PCYT1B: variants seen among roughly 807,000 people sequenced by gnomAD.
PCYT1B encodes choline-phosphate cytidylyltransferase B.
A neutral mutation model predicts 26.4 loss-of-function variants in PCYT1B; 10 were observed. That is an observed-to-expected ratio of 0.38 (90% confidence interval 0.23 to 0.64). The LOEUF (loss-of-function observed/expected upper bound fraction) is 0.64, where lower values mean the gene tolerates loss of function less well. Ranked by LOEUF, PCYT1B falls within the 30% of genes least tolerant of loss-of-function variation. PCYT1B has a pLI of 0.56. For missense variants in PCYT1B, 161 were observed against 292.7 expected (o/e 0.55, Z 3.28); for synonymous variants, 131 against 108.4 (o/e 1.21, Z -1.29).
In PCYT1B at chrX:24,558,661, C is replaced by G. The variant is rs1419853514; in HGVS notation, c.*3632G>C. The stretch of plus-strand genomic sequence containing the variant: ...GTAGCCTAAGAGCAAAACTGAAATC[C>G]CTAAGCTGTGTCTCTTCCACTCAGA... On this transcript the variant is annotated 3_prime_UTR_variant, in exon 8 of 8. Coordinates refer to ENST00000379144, the MANE Select transcript of PCYT1B (RefSeq NM_004845.5). 9.4e-6 allele frequency: 1 copy of G among 105,933 alleles called. No homozygotes were observed. Among genetic ancestry groups the G allele is most frequent in the Non-Finnish European group, 1.9e-5 (1 of 51,681 alleles). 8.7% of individuals were successfully genotyped at this position (105,933 alleles called of 1,213,427 possible).
chrX:24,565,796 A>C (rs1923607879), intron 7 of PCYT1B, among the ~76,000 whole-genome samples: 1 of 110,612 alleles, frequency 9.0e-6, no homozygotes, highest in African/African-American at 3.3e-5. Flanking sequence ...AAAAAAAAAA[A>C]AACACCATGA....
In PCYT1B at chrX:24,558,802, T is replaced by C. The variant is rs1233478249; in HGVS notation, c.*3491A>G. On this transcript the variant is annotated 3_prime_UTR_variant, in exon 8 of 8. Transcript: ENST00000379144. ...TGCTTGCCAGAAGCAAGTCGTTCAG[T>C]GTGACTTATGGCACAGCAATCCCAC... 9.1e-6 allele frequency: 1 copy of C among 109,829 alleles called. No homozygotes were observed. Among genetic ancestry groups the C allele is most frequent in the Non-Finnish European group, 1.9e-5 (1 of 52,716 alleles). 9.1% of individuals were successfully genotyped at this position (109,829 alleles called of 1,213,427 possible). A position where few individuals can be genotyped will look rare whatever the true frequency, so the allele number is the denominator to read the frequency against.
intron 2 of PCYT1B, among the ~76,000 whole-genome samples, chrX:24,610,111 T>G (rs1925263022): frequency 9.0e-6 from 1 of 110,691 alleles, no homozygotes; most frequent in Non-Finnish European, 1.9e-5. Context: ...TATATATATA[T>G]GCATGTATTA....
At chrX:24,616,228 C>CT (rs59287140) in intron 2 of PCYT1B, among the ~76,000 whole-genome samples, 742 of 43,798 alleles carry the variant, frequency 0.017, 44 homozygotes, top group African/African-American at 0.089. Context: ...ACCACCTGGA[C>CT]TTTTTTTTTT....
intron 5 of PCYT1B, among the ~76,000 whole-genome samples, chrX:24,584,005 G>A (rs986792329): frequency 8.9e-6 from 1 of 112,281 alleles, no homozygotes; most frequent in Non-Finnish European, 1.9e-5. Flanking sequence ...GAAAGGAGCA[G>A]CTGGCTCATA....
chrX:24,628,652 T>C (rs748566415), intron 1 of PCYT1B, among the ~76,000 whole-genome samples: 1 of 111,387 alleles, frequency 9.0e-6, no homozygotes, highest in South Asian at 3.8e-4. Context: ...TCTTGCCGGA[T>C]AGACAGTTTT....
At chrX:24,621,815 A>G (rs995984898) in intron 1 of PCYT1B, 23 of 697,514 alleles carry the variant, frequency 3.3e-5, no homozygotes, top group Non-Finnish European at 3.9e-5. Flanking sequence ...TGCTACTCAC[A>G]AAGTTTATTA....
At chrX:24,606,345 C>T in intron 3 of PCYT1B, among the ~76,000 whole-genome samples, 1 of 111,665 alleles carries the variant, frequency 9.0e-6, no homozygotes, top group Non-Finnish European at 1.9e-5. Flanking sequence ...CCCCAGTAGC[C>T]TAGGACCAGA....
chrX:24,617,604 C>T (rs1602183859), intron 2 of PCYT1B, among the ~76,000 whole-genome samples: 2 of 108,174 alleles, frequency 1.8e-5, no homozygotes, highest in Admixed American at 1.0e-4. Flanking sequence ...CCTGCCACCA[C>T]GCCTGGCTAA....
intron 1 of PCYT1B, chrX:24,632,123 A>G (rs1406736289): frequency 8.9e-6 from 1 of 112,155 alleles, no homozygotes; most frequent in Non-Finnish European, 1.9e-5. Flanking sequence ...TCTTTCTTAA[A>G]TGTATACATA....
At chrX:24,603,237 C>A (rs1925023350) in intron 3 of PCYT1B, among the ~76,000 whole-genome samples, 1 of 112,415 alleles carries the variant, frequency 8.9e-6, no homozygotes, top group Non-Finnish European at 1.9e-5. Flanking sequence ...ACAAGGATTT[C>A]ATCATTCTCT....
At chrX:24,595,886 A>G (rs1924762857) in intron 3 of PCYT1B, among the ~76,000 whole-genome samples, 1 of 92,995 alleles carries the variant, frequency 1.1e-5, no homozygotes, top group Admixed American at 1.1e-4. Context: ...GTCTCAAAGA[A>G]AAAAAAAAAA....
intron 3 of PCYT1B, among the ~76,000 whole-genome samples, chrX:24,606,995 G>C (rs1925159637): frequency 8.9e-6 from 1 of 112,198 alleles, no homozygotes; most frequent in Non-Finnish European, 1.9e-5. Context: ...ATGGTGCCTA[G>C]TTTATATGCC....
intron 1 of PCYT1B, among the ~76,000 whole-genome samples, chrX:24,655,935 T>C (rs1444513024): frequency 1.1e-5 from 1 of 94,200 alleles, no homozygotes; most frequent in Non-Finnish European, 2.1e-5. Context: ...CTGGCCAACA[T>C]GGCAAAACCC....
rs778662590 is a variant in PCYT1B at position 24,559,107 on chromosome X, A to C, written c.*3186T>G. 9.0e-6 allele frequency: 1 copy of C among 111,275 alleles called. No homozygotes were observed. Among genetic ancestry groups the C allele is most frequent in the South Asian group, 3.8e-4 (1 of 2,653 alleles). 9.2% of individuals were successfully genotyped at this position (111,275 alleles called of 1,213,427 possible). On this transcript the variant is annotated 3_prime_UTR_variant, in exon 8 of 8. Coordinates refer to ENST00000379144, the MANE Select transcript of PCYT1B (RefSeq NM_004845.5). ...CGAGGCGGGAGAATCACCTGAGGTC[A>C]GGAATTTGAGACCAGCCTGGCCAAC...
intron 1 of PCYT1B, among the ~76,000 whole-genome samples, chrX:24,625,161 G>C (rs951326364): frequency 8.9e-6 from 1 of 112,272 alleles, no homozygotes; most frequent in African/African-American, 3.2e-5. Flanking sequence ...TGCAAAAAAA[G>C]ATAAGAACAG....
intron 1 of PCYT1B, among the ~76,000 whole-genome samples, chrX:24,640,936 A>G (rs1926446605): frequency 9.0e-6 from 1 of 110,969 alleles, no homozygotes; most frequent in Non-Finnish European, 1.9e-5. Context: ...GCCTTCCTTG[A>G]TCTTTTTGTT....
At chrX:24,669,776 G>A (rs1927201196) in intron 1 of PCYT1B, among the ~76,000 whole-genome samples, 1 of 108,752 alleles carries the variant, frequency 9.2e-6, no homozygotes, top group Non-Finnish European at 1.9e-5. Flanking sequence ...GCTCAGTGGC[G>A]CATACCTGTA....
chrX:24,653,918 C>T (rs1292756274), intron 1 of PCYT1B, among the ~76,000 whole-genome samples: 1 of 106,647 alleles, frequency 9.4e-6, no homozygotes, highest in Non-Finnish European at 1.9e-5. Context: ...CCACACCCAG[C>T]CAATTTTTTT....
Sources: allele counts gnomAD v4.1 joint callset (sites outside exome capture counted in the v4.1 genomes callset), GRCh38; gene constraint gnomAD v4.1.1; transcripts MANE v1.5; gene names NCBI Gene and HGNC (gene_info 2026-07-23, HGNC 2026-07-21).